LRRIQ4: variants seen among roughly 807,000 people sequenced by gnomAD.
LRRIQ4 encodes leucine rich repeats and IQ motif containing 4.
Under a neutral mutation model 40.1 loss-of-function variants are expected in LRRIQ4, and 21 were observed. That is an observed-to-expected ratio of 0.52 (90% CI 0.37 to 0.75). The LOEUF is 0.75. LRRIQ4 is among the 30% of genes least tolerant of loss of function. The pLI, the probability that LRRIQ4 is intolerant of heterozygous loss-of-function variation, is 0.00. For synonymous variants in LRRIQ4, 277 were observed against 277.1 expected, an observed-to-expected ratio of 1.00 and a Z score of 0.00; for missense variants, 655 against 660.0, an observed-to-expected ratio of 0.99 and a Z score of 0.08.
chr3:169,834,246 C>T (rs1464837558), intron 5 of LRRIQ4, among the ~76,000 whole-genome samples: 5 of 152,118 alleles, frequency 3.3e-5, no homozygotes, highest in African/African-American at 1.2e-4. Context: ...CCTGTAATCC[C>T]AGCTACTCTG....
chr3:169,814,257 C>G (rs936718259), intron 1 of LRRIQ4, among the ~76,000 whole-genome samples: 4 of 152,058 alleles, frequency 2.6e-5, no homozygotes, highest in Non-Finnish European at 5.9e-5. Flanking sequence ...CCCTGGAGTC[C>G]GGCCGCTCAG....
Position 169,828,822 on chromosome 3 carries a change from C to T in LRRIQ4, c.1084C>T (p.Leu362Phe), listed in dbSNP as rs1278573351. 6 of 1,613,786 alleles carry T rather than the reference C, an allele frequency of 3.7e-6. No homozygotes were observed. Among genetic ancestry groups the T allele is most frequent in the Admixed American group, 1.7e-5 (1 of 59,994 alleles). The change falls in exon 3 of 6, where the codon CTT (leucine) becomes TTT (phenylalanine). Residue 362 changes from leucine to phenylalanine, a missense_variant. Leu to Phe is a conservative substitution (Grantham distance 22, BLOSUM62 0). Transcript: ENST00000340806. ...ACTTGGACTAACAGGAAATGAGTTC[C>T]TTTCCTTTCCGGAGGAAGTCCTTTC... Reference protein sequence around the residue: ...KILGLTGNEFLSFPEEVLSLA... With the variant: ...KILGLTGNEFFSFPEEVLSLA...
In LRRIQ4 at chr3:169,822,612, T is replaced by C. The variant is rs759783595; in HGVS notation, c.691T>C (p.Cys231Arg). ...CCTTCCCGTTCTGCCCGCGTCCTTGTGCCAGTGTAGCCAACTGTCGGTGCT... is the reference window on the plus strand; with the variant it reads ...CCTTCCCGTTCTGCCCGCGTCCTTGCGCCAGTGTAGCCAACTGTCGGTGCT... The part of the protein sequence containing the change: ...NNLPVLPASL[C>R]QCSQLSVLDL... Residue 231 changes from cysteine (C) to arginine (R), a missense_variant, in exon 2 of 6, where the codon TGC becomes CGC. Cys to Arg is a radical substitution (Grantham distance 180). Coordinates refer to ENST00000340806, the MANE Select transcript of LRRIQ4 (RefSeq NM_001080460.3). 4.3e-6 allele frequency: 7 copies of C among 1,614,014 alleles called. No homozygotes were observed. The South Asian group carries it at 7.7e-5, about 18-fold the overall frequency.
chr3:169,836,981 G>C (rs1780316910), intron 5 of LRRIQ4, among the ~76,000 whole-genome samples: 1 of 152,172 alleles, frequency 6.6e-6, no homozygotes, highest in Admixed American at 6.6e-5. Context: ...GGACAAGTCT[G>C]CTGCTAGAGG....
intron 5 of LRRIQ4, among the ~76,000 whole-genome samples, chr3:169,836,184 TA>T (rs879335270): frequency 0.05 from 7,105 of 141,558 alleles, 364 homozygotes; most frequent in African/African-American, 0.14. Context: ...TGCTACTGTT[TA>T]AAAAAAAAAA....
chr3:169,837,466 A>T lies in LRRIQ4; in HGVS notation c.1531-13A>T. Reference sequence around the variant, plus strand: ...ACCAGCCGATGCTGAATTTGGGTTTATCTTGTTTTCAGATTCAGGCATGGT... The same window carrying T: ...ACCAGCCGATGCTGAATTTGGGTTTTTCTTGTTTTCAGATTCAGGCATGGT... On this transcript the variant is annotated splice_polypyrimidine_tract_variant and intron_variant, in intron 5 of 5. Transcript: ENST00000340806. 6.3e-7 allele frequency: 1 copy of T among 1,598,358 alleles called. No homozygotes were observed. The highest frequency in any genetic ancestry group is 8.5e-7 in the Non-Finnish European group (1 of 1,175,532).
intron 2 of LRRIQ4, among the ~76,000 whole-genome samples, chr3:169,825,006 A>G (rs1396267379): frequency 7.5e-6 from 1 of 132,888 alleles, no homozygotes; most frequent in African/African-American, 3.0e-5. Context: ...ATTTTTAAAA[A>G]TCTTTTTTTT....
At chr3:169,823,788 C>T (rs1779974762) in intron 2 of LRRIQ4, among the ~76,000 whole-genome samples, 1 of 152,116 alleles carries the variant, frequency 6.6e-6, no homozygotes, top group Non-Finnish European at 1.5e-5. Flanking sequence ...AGAAACTGTC[C>T]CGTGTGTGCA....
At position 169,822,324 on chromosome 3, in the gene LRRIQ4, G is replaced by T. The variant is rs142446914; in HGVS notation, c.403G>T (p.Val135Phe). The T allele has an allele frequency of 1.2e-6, 2 of 1,613,830 alleles. No individual in the cohort carries two copies. Among genetic ancestry groups the T allele is most frequent in the Non-Finnish European group, 1.7e-6 (2 of 1,179,846 alleles). Residue 135 changes from valine (V) to phenylalanine (F), a missense_variant, in exon 2 of 6, where the codon GTC becomes TTC. Coordinates refer to ENST00000340806, the MANE Select transcript of LRRIQ4 (RefSeq NM_001080460.3). ...CCAGACCGACCTGAAGGAAATTCCCGTCGTCATCTTTAAAAACCTCCACCA... is the reference window on the plus strand; with the variant it reads ...CCAGACCGACCTGAAGGAAATTCCCTTCGTCATCTTTAAAAACCTCCACCA... ...LYQTDLKEIP[V>F]VIFKNLHHLE...
chr3:169,829,302 T>TA (rs1404096636), intron 3 of LRRIQ4, among the ~76,000 whole-genome samples: 1 of 152,194 alleles, frequency 6.6e-6, no homozygotes, highest in Non-Finnish European at 1.5e-5. Context: ...GCTGGGAGCC[T>TA]ACATTTTGGT....
At chr3:169,831,985 A>T (rs13062210) in intron 4 of LRRIQ4, among the ~76,000 whole-genome samples, 39,809 of 140,774 alleles carry the variant, frequency 0.28, 5,973 homozygotes, top group East Asian at 0.62. Flanking sequence ...TAAAAAATTT[A>T]AAAAAAAAAA....
chr3:169,821,377 G>C (rs1220995981), intron 1 of LRRIQ4, among the ~76,000 whole-genome samples: 2 of 152,124 alleles, frequency 1.3e-5, no homozygotes, highest in Non-Finnish European at 2.9e-5. Flanking sequence ...GCTCATGCCT[G>C]TAATTCCAGC....
At position 169,828,774 on chromosome 3, in the gene LRRIQ4, G is replaced by A. The variant is rs1317727131; in HGVS notation, c.1036G>A (p.Gly346Ser). 1.9e-6 allele frequency: 3 copies of A among 1,611,904 alleles called. No individual in the cohort carries two copies. The highest frequency in any genetic ancestry group is 2.5e-6 in the Non-Finnish European group (3 of 1,179,394). The change falls in exon 3 of 6, where the codon GGC (glycine) becomes AGC (serine). Residue 346 changes from glycine to serine, a missense_variant. Coordinates refer to ENST00000340806, the MANE Select transcript of LRRIQ4 (RefSeq NM_001080460.3). ...ATACTTCTAGTTACCTTCAGAATTG[G>A]GCTCACTTTCAAAACTGAAGATACT... ...NKIGQLPSEL[G>S]SLSKLKILGL...
At chr3:169,835,364 C>CTGTGTGTGTGTGTGTGTGTG (rs149888477) in intron 5 of LRRIQ4, among the ~76,000 whole-genome samples, 13 of 146,504 alleles carry the variant, frequency 8.9e-5, no homozygotes, top group South Asian at 6.6e-4. Flanking sequence ...TTGTCTTTTT[C>CTGTGTGTGTGTGTGTGTGTG]TGTGTGTGTG....
At chr3:169,826,588 TA>T (rs902311594) in intron 2 of LRRIQ4, among the ~76,000 whole-genome samples, 2 of 152,112 alleles carry the variant, frequency 1.3e-5, no homozygotes, top group South Asian at 4.2e-4. Flanking sequence ...TAAATACTCC[TA>T]AAAAAAATTT....
At chr3:169,814,901 C>G (rs1375965564) in intron 1 of LRRIQ4, among the ~76,000 whole-genome samples, 1 of 152,092 alleles carries the variant, frequency 6.6e-6, no homozygotes, top group Non-Finnish European at 1.5e-5. Flanking sequence ...CTATCTTTTC[C>G]CCAATATATG....
chr3:169,826,165 G>A (rs1384913055), intron 2 of LRRIQ4, among the ~76,000 whole-genome samples: 1 of 152,164 alleles, frequency 6.6e-6, no homozygotes, highest in Non-Finnish European at 1.5e-5. Context: ...GATGAGGCGA[G>A]TGGATCAACT....
chr3:169,817,998 G>A (rs988149998), intron 1 of LRRIQ4, among the ~76,000 whole-genome samples: 5 of 152,132 alleles, frequency 3.3e-5, no homozygotes, highest in African/African-American at 1.2e-4. Flanking sequence ...AACCCCCAGA[G>A]CACTTTATCC....
At chr3:169,831,588 C>T (rs1210556549) in intron 4 of LRRIQ4, among the ~76,000 whole-genome samples, 2 of 148,402 alleles carry the variant, frequency 1.3e-5, no homozygotes, top group Non-Finnish European at 3.0e-5. Flanking sequence ...AGGCGTGAGC[C>T]ACCGTGCCTG....
Sources: gnomAD v4.1 joint callset for allele counts (sites outside exome capture counted in the v4.1 genomes callset) on GRCh38, gnomAD v4.1.1 for gene constraint, MANE v1.5 for transcripts, NCBI Gene and HGNC (gene_info 2026-07-23, HGNC 2026-07-21) for gene names.